The following ATRIP variants were observed in gnomAD, a reference collection of about 807,000 sequenced individuals.
ATRIP encodes the protein ATR-interacting protein.
Under a neutral mutation model 78.1 loss-of-function variants are expected in ATRIP, and 44 were observed. The observed-to-expected ratio is 0.56, with a 90% confidence interval of 0.44 to 0.72. The LOEUF (loss-of-function observed/expected upper bound fraction) is 0.72, where lower values mean the gene tolerates loss of function less well. Among genes scored for constraint, ATRIP ranks in the 30% least tolerant of loss-of-function variants. The pLI is 0.00. For synonymous variants in ATRIP, 388 were observed against 408.9 expected, an observed-to-expected ratio of 0.95 and a Z score of 0.62; for missense variants, 927 against 980.2, an observed-to-expected ratio of 0.95 and a Z score of 0.72.
rs994740894 is a variant in ATRIP, at chr3:48,451,814, T to C, written c.467T>C (p.Leu156Pro). The change falls in exon 3 of 13, where the codon CTA (leucine) becomes CCA (proline). Residue 156 changes from leucine to proline, a missense_variant. Coordinates refer to ENST00000320211, the MANE Select transcript of ATRIP (RefSeq NM_130384.3). Reference protein sequence around the residue: ...RDSLHQTESVLEEQRRSHFLL... With the variant: ...RDSLHQTESVPEEQRRSHFLL... ...TCACTACATCAGACGGAATCCGTTC[T>C]AGAGGAACAGAGAAGATCACATTTT... is the stretch of plus-strand genomic sequence containing the variant. 2 of 1,613,284 alleles carry C rather than the reference T, an allele frequency of 1.2e-6. No homozygotes were observed. The highest frequency in any genetic ancestry group is 1.3e-5 in the African/African-American group (1 of 74,942).
In ATRIP at chr3:48,459,876, T is replaced by A; in HGVS notation, c.1015T>A (p.Ser339Thr). Residue 339 changes from serine to threonine, a missense_variant, in exon 7 of 13, where the codon TCT becomes ACT. Transcript: ENST00000320211. ...CCACCTCCTGAGTAGTAGTTCTGAG[T>A]CTCCTGCTGGCACCCCCCTGCAGCC... ...LCHLLSSSSE[S>T]PAGTPLQPPG... The A allele has an allele frequency of 6.2e-7, 1 of 1,613,950 alleles. No individual in the cohort carries two copies. Among genetic ancestry groups the A allele is most frequent in the Non-Finnish European group, 8.5e-7 (1 of 1,179,946 alleles).
chr3:48,463,576 A>G (rs184818222), intron 8 of ATRIP, among the ~76,000 whole-genome samples, 169 bp from the exon 9 acceptor site: 53 of 152,246 alleles, frequency 3.5e-4, no homozygotes, highest in Admixed American at 9.2e-4. Context: ...AACAAGTTTC[A>G]TAGCAAGTAA....
Position 48,466,262 on chromosome 3 carries a change from G to A in ATRIP, c.*708G>A, listed in dbSNP as rs2040288927. 3.2e-6 allele frequency: 2 copies of A among 621,416 alleles called. No homozygotes were observed. Among genetic ancestry groups the A allele is most frequent in the Non-Finnish European group, 5.7e-6 (2 of 349,466 alleles). The allele number at this position is 621,416 out of a possible 1,614,324, so 38.5% of individuals were successfully genotyped here. A position where few individuals can be genotyped will look rare whatever the true frequency, so the allele number is the denominator to read the frequency against. On this transcript the variant is annotated 3_prime_UTR_variant, in exon 13 of 13. Coordinates refer to ENST00000320211, the MANE Select transcript of ATRIP (RefSeq NM_130384.3). ...GCCACTGCTGCCAGCGAGAGCCGCG[G>A]GAGAGTGTGCAGCCGAGTCACTACT...
intron 2 of ATRIP, 146 bp from the exon 3 acceptor site, chr3:48,451,583 G>A: frequency 1.6e-6 from 1 of 640,630 alleles, no homozygotes; most frequent in Non-Finnish European, 2.7e-6. Flanking sequence ...AGACCATGGT[G>A]ACATCTGGTT....
rs1378835186 is a variant in ATRIP at position 48,450,095 on chromosome 3, CAG to C, written c.310_311del (p.Glu104AsnfsTer5). 2 of 1,613,404 alleles carry C rather than the reference CAG, an allele frequency of 1.2e-6. No individual in the cohort carries two copies. The highest frequency in any genetic ancestry group is 1.7e-6 in the Non-Finnish European group (2 of 1,179,594). ...GMSKNPSGKN[R>X]ETVPIKDNFE... ...TGTCAAAAAATCCTTCAGGGAAAAA[CAG>C]AGAAACTGTTCCAATTAAAGATAAT... On this transcript the variant is annotated frameshift_variant, in exon 2 of 13. Coordinates refer to ENST00000320211, the MANE Select transcript of ATRIP (RefSeq NM_130384.3). LOFTEE classifies it high-confidence loss of function.
intron 1 of ATRIP, among the ~76,000 whole-genome samples, chr3:48,447,976 A>G (rs1451203515): frequency 6.6e-6 from 1 of 152,138 alleles, no homozygotes. Context: ...AGTCTATCCT[A>G]TTCACATTGC....
intron 3 of ATRIP, 123 bp downstream of exon 3, chr3:48,452,022 A>T: frequency 1.1e-6 from 1 of 949,718 alleles, no homozygotes. Flanking sequence ...TTCTGCTATC[A>T]TCTCATTGCC....
rs1302856977 is a variant in ATRIP, at chr3:48,467,421, AC to A, written c.*1868del. On this transcript the variant is annotated 3_prime_UTR_variant, in exon 13 of 13. Transcript: ENST00000320211. ...TGTCACAACCACTGCACACCTGGCCACAACCAGGAACACTAGTCCCAGCCTT... is the reference window on the plus strand; with the variant it reads ...TGTCACAACCACTGCACACCTGGCCAAACCAGGAACACTAGTCCCAGCCTT... The A allele has an allele frequency of 3.7e-6, 6 of 1,614,094 alleles. No homozygotes were observed. Among genetic ancestry groups the A allele is most frequent in the Non-Finnish European group, 5.1e-6 (6 of 1,180,038 alleles).
chr3:48,452,520 A>G (rs1403118441), intron 3 of ATRIP, among the ~76,000 whole-genome samples: 1 of 152,100 alleles, frequency 6.6e-6, no homozygotes, highest in Non-Finnish European at 1.5e-5. Flanking sequence ...ATCTCCACAA[A>G]AAAGAAAAAG....
chr3:48,461,429 C>T (rs2040109509), intron 8 of ATRIP: 1 of 152,340 alleles, frequency 6.6e-6, no homozygotes, highest in Non-Finnish European at 1.5e-5. Flanking sequence ...CAGTCTCCCT[C>T]AGCACTCTAC....
chr3:48,452,904 G>T (rs2039870062), intron 3 of ATRIP, among the ~76,000 whole-genome samples: 1 of 147,382 alleles, frequency 6.8e-6, no homozygotes, highest in African/African-American at 2.5e-5. Context: ...TTGAGACAGG[G>T]TCCAGGGTTT....
rs760902972 is a variant in ATRIP at position 48,447,116 on chromosome 3, G to C, written c.247+24G>C. ...CAGTGAGTGCTCCTCGCGGCCTTTTGCTCGGAGGGAGTTGTCAACCGCGCC... is the reference window on the plus strand; with the variant it reads ...CAGTGAGTGCTCCTCGCGGCCTTTTCCTCGGAGGGAGTTGTCAACCGCGCC... On this transcript the variant is annotated intron_variant, in intron 1 of 12. Coordinates refer to ENST00000320211, the MANE Select transcript of ATRIP (RefSeq NM_130384.3). The C allele has an allele frequency of 3.4e-6, 5 of 1,480,396 alleles. No homozygotes were observed. The African/African-American group carries it at 4.4e-5, about 13-fold the overall frequency. The allele number at this position is 1,480,396 out of a possible 1,614,324, so 91.7% of individuals were successfully genotyped here. A position where few individuals can be genotyped will look rare whatever the true frequency, so the allele number is the denominator to read the frequency against.
rs1196250816 is a variant in ATRIP, at chr3:48,465,801, G to T, written c.*247G>T. The stretch of plus-strand genomic sequence containing the variant: ...GTAACTGATCTGCCTTGAGGAAGGA[G>T]CCCTGCCCTGCCTGTGGAATTGTCC... On this transcript the variant is annotated 3_prime_UTR_variant, in exon 13 of 13. Transcript: ENST00000320211. 5 of 465,392 alleles carry T rather than the reference G, an allele frequency of 1.1e-5. No homozygotes were observed. The East Asian group carries it at 1.3e-4, about 12-fold the overall frequency. 28.8% of individuals were successfully genotyped at this position (465,392 alleles called of 1,614,324 possible).
intron 3 of ATRIP, 111 bp from the exon 4 acceptor site, chr3:48,454,189 T>C (rs993038063): frequency 3.0e-6 from 2 of 666,974 alleles, no homozygotes; most frequent in South Asian, 1.7e-5. Flanking sequence ...ACAGCAGACT[T>C]TCATATGTAT....
Position 48,465,513 on chromosome 3 carries a change from G to A in ATRIP, c.2335G>A (p.Ala779Thr), listed in dbSNP as rs772624567. 54 of 1,613,892 alleles carry A rather than the reference G, an allele frequency of 3.3e-5. No homozygotes were observed. The highest frequency in any genetic ancestry group is 5.5e-5 in the South Asian group (5 of 91,074). Residue 779 changes from alanine to threonine, a missense_variant, in exon 13 of 13, where the codon GCG (alanine) becomes ACG (threonine). Physicochemically the swap from Ala to Thr is moderately conservative, Grantham distance 58 (BLOSUM62 0). Transcript: ENST00000320211. ...GGCAGCCCTGGATGACCTCTGTGCC[G>A]CGGAAACCGATGTGGAAGACCCCGA... ...EEAALDDLCA[A>T]ETDVEDPEVE...
At chr3:48,451,941 C>G (rs773557915) in intron 3 of ATRIP, 42 bp downstream of exon 3, 4 of 1,549,326 alleles carry the variant, frequency 2.6e-6, no homozygotes, top group Non-Finnish European at 2.6e-6. Flanking sequence ...TGCCTGCCCA[C>G]TGAGTTCCTT....
Position 48,466,686 on chromosome 3 carries a change from A to C in ATRIP, c.*1132A>C. The C allele has an allele frequency of 6.2e-7, 1 of 1,613,628 alleles. No homozygotes were observed. The highest frequency in any genetic ancestry group is 1.1e-5 in the South Asian group (1 of 91,068). On this transcript the variant is annotated 3_prime_UTR_variant, in exon 13 of 13. Coordinates refer to ENST00000320211, the MANE Select transcript of ATRIP (RefSeq NM_130384.3). The stretch of plus-strand genomic sequence containing the variant: ...CTCGCAGGCCCTGCCCCCGGGGCCC[A>C]TGCAGACCCTCATCTTTTTCGACAT...
At chr3:48,450,382 T>C in intron 2 of ATRIP, 1 of 1,005,640 alleles carries the variant, frequency 9.9e-7, no homozygotes, top group South Asian at 1.4e-5. Flanking sequence ...AAAAACACTG[T>C]ATACCAGATC....
In ATRIP at chr3:48,467,211, C is replaced by T. The variant is rs567688417; in HGVS notation, c.*1657C>T. 1 of 1,614,068 alleles carries T rather than the reference C, an allele frequency of 6.2e-7. No individual in the cohort carries two copies. Among genetic ancestry groups the T allele is most frequent in the South Asian group, 1.1e-5 (1 of 91,078 alleles). Reference sequence around the variant, plus strand: ...TAGCCTAGGCAGCATCTACACTCGCCTGTATGGGCAGTCCCCTCCAGACTC... The same window carrying T: ...TAGCCTAGGCAGCATCTACACTCGCTTGTATGGGCAGTCCCCTCCAGACTC... On this transcript the variant is annotated 3_prime_UTR_variant, in exon 13 of 13. Coordinates refer to ENST00000320211, the MANE Select transcript of ATRIP (RefSeq NM_130384.3).
Sources: allele counts gnomAD v4.1 joint callset (sites outside exome capture counted in the v4.1 genomes callset), GRCh38; gene constraint gnomAD v4.1.1; transcripts MANE v1.5; gene names NCBI Gene and HGNC (gene_info 2026-07-23, HGNC 2026-07-21).